Variants in ADAMTSL1 observed in about 807,000 individuals in gnomAD.
ADAMTSL1 encodes ADAMTS-like protein 1.
In ADAMTSL1, 126 loss-of-function variants were observed where a neutral mutation model predicts 201.8. That is an observed-to-expected ratio of 0.62 (90% CI 0.54 to 0.72). The LOEUF (loss-of-function observed/expected upper bound fraction) is 0.72, where lower values mean the gene tolerates loss of function less well. Among genes scored for constraint, ADAMTSL1 ranks in the 30% least tolerant of loss-of-function variants. ADAMTSL1 has a pLI of 0.00. For missense variants in ADAMTSL1, 2,679 were observed against 2,277.8 expected (o/e 1.18, Z -3.59); for synonymous variants, 1,121 against 903.4 (o/e 1.24, Z -4.32).
At chr9:18,742,543 G>A (rs1445896791) in intron 15 of ADAMTSL1, among the ~76,000 whole-genome samples, 3 of 152,158 alleles carry the variant, frequency 2.0e-5, no homozygotes, top group Non-Finnish European at 4.4e-5. Flanking sequence ...TCTCAAGGAC[G>A]GTACAGTTGA....
At chr9:18,097,533 GA>G (rs1224593747) in intron 1 of ADAMTSL1, among the ~76,000 whole-genome samples, 1 of 152,122 alleles carries the variant, frequency 6.6e-6, no homozygotes, top group Non-Finnish European at 1.5e-5. Context: ...TCTCCAACCA[GA>G]ATTGTATAAA....
intron 1 of ADAMTSL1, among the ~76,000 whole-genome samples, chr9:17,916,339 A>C (rs1826093371): frequency 6.6e-6 from 1 of 152,106 alleles, no homozygotes; most frequent in African/African-American, 2.4e-5. Flanking sequence ...GATGAAGTTG[A>C]ATTTATCAAA....
chr9:18,117,956 A>T (rs1489736497), intron 1 of ADAMTSL1, among the ~76,000 whole-genome samples: 1 of 152,196 alleles, frequency 6.6e-6, no homozygotes, highest in Admixed American at 6.5e-5. Flanking sequence ...TTAAAACTTT[A>T]ACCTCTTTAC....
rs768657042 is a variant in ADAMTSL1 at position 18,889,631 on chromosome 9, A to G, written c.4526A>G (p.Gln1509Arg). 3 of 1,613,540 alleles carry G rather than the reference A, an allele frequency of 1.9e-6. No homozygotes were observed. The Admixed American group carries it at 5.0e-5, about 27-fold the overall frequency. ...CSASCGNRGVQQPRLRCLLNS... is the reference protein window; with the variant it reads ...CSASCGNRGVRQPRLRCLLNS... ...GCCTCCTGTGGTAACCGGGGGGTTC[A>G]GCAGCCCCGCTTGAGGTGCCTGCTG... is the stretch of plus-strand genomic sequence containing the variant. Residue 1509 changes from glutamine to arginine, a missense_variant, in exon 25 of 29, where the codon CAG becomes CGG. By Grantham distance (43) the Gln-to-Arg change is conservative. Coordinates refer to ENST00000380548, the MANE Select transcript of ADAMTSL1 (RefSeq NM_001040272.6).
At chr9:18,398,400 C>T (rs1817834131) in intron 2 of ADAMTSL1, among the ~76,000 whole-genome samples, 1 of 152,226 alleles carries the variant, frequency 6.6e-6, no homozygotes, top group Non-Finnish European at 1.5e-5. Context: ...TTTTCTTCTA[C>T]TTTAGTCTAG....
chr9:18,288,444 A>G (rs1735409464), intron 2 of ADAMTSL1, among the ~76,000 whole-genome samples: 1 of 152,286 alleles, frequency 6.6e-6, no homozygotes, highest in South Asian at 2.1e-4. Flanking sequence ...TTAAAGGACT[A>G]TGTTACTTAG....
At chr9:18,562,182 G>A (rs1821551360) in intron 3 of ADAMTSL1, among the ~76,000 whole-genome samples, 1 of 152,140 alleles carries the variant, frequency 6.6e-6, no homozygotes, top group African/African-American at 2.4e-5. Context: ...TCCATGTTTA[G>A]CGCTTCCTTC....
At chr9:18,829,739 C>A in intron 22 of ADAMTSL1, 104 bp from the exon 23 acceptor site, 5 of 1,391,932 alleles carry the variant, frequency 3.6e-6, no homozygotes, top group Non-Finnish European at 5.0e-6. Context: ...GCCTATCTTA[C>A]ATATACGCAT....
intron 2 of ADAMTSL1, among the ~76,000 whole-genome samples, chr9:18,453,366 T>G (rs1432462289): frequency 6.6e-6 from 1 of 152,156 alleles, no homozygotes; most frequent in Non-Finnish European, 1.5e-5. Context: ...CATGAAGCTC[T>G]GAAATGCCTT....
Position 18,152,486 on chromosome 9 carries a change from G to A in ADAMTSL1, c.88-11376G>A, listed in dbSNP as rs562009621. Among the ~76,000 whole-genome samples, 309 of 152,140 alleles carry A rather than the reference G, an allele frequency of 2.0e-3. 2 individuals carry two copies. Among genetic ancestry groups the A allele is most frequent in the African/African-American group, 6.5e-3 (269 of 41,540 alleles). ...AGAGCTTAAAAGAATTGCAGGGCAA[G>A]AAACAATAGAAGAAAAGATGCCCAT... On this transcript the variant is annotated intron_variant, in intron 1 of 29. Coordinates refer to the ADAMTSL1 transcript ENST00000680146.
At chr9:18,838,360 T>TACACAC (rs775337751) in intron 23 of ADAMTSL1, among the ~76,000 whole-genome samples, 8,623 of 86,570 alleles carry the variant, frequency 0.1, 392 homozygotes, top group Middle Eastern at 0.14. Flanking sequence ...CAAACCATAT[T>TACACAC]ACACACACAC....
rs191333083 is a variant in ADAMTSL1, at chr9:18,381,774, G to A, written c.208-123055G>A. 1.3e-5 allele frequency among the ~76,000 whole-genome samples: 2 copies of A among 152,006 alleles called. 1 individual carries two copies. The highest frequency in any genetic ancestry group is 1.3e-4 in the Admixed American group (2 of 15,258). ...CTATGTATCACCGAGAACCCATTTG[G>A]AGCAGGAGAGGGGGGATTAGACTTT... On this transcript the variant is annotated intron_variant, in intron 2 of 29. Coordinates refer to the ADAMTSL1 transcript ENST00000680146.
intron 3 of ADAMTSL1, among the ~76,000 whole-genome samples, chr9:18,569,497 T>C (rs1177868997): frequency 6.6e-6 from 1 of 152,070 alleles, no homozygotes; most frequent in East Asian, 1.9e-4. Context: ...ACAGGTATAT[T>C]TAGAGTTTAT....
chr9:18,889,585 G>A lies in ADAMTSL1; in HGVS notation c.4480G>A (p.Asp1494Asn), dbSNP rs141581125. Residue 1494 changes from aspartate to asparagine, a missense_variant, in exon 25 of 29, where the codon GAC becomes AAC. By Grantham distance (23) the Asp-to-Asn change is conservative. Coordinates refer to ENST00000380548, the MANE Select transcript of ADAMTSL1 (RefSeq NM_001040272.6). The stretch of plus-strand genomic sequence containing the variant: ...CATGACAGATTACTGGTGGTCTGTG[G>A]ACAGACTGGCAACCTGCTCAGCCTC... ...LVIQDYWWSV[D>N]RLATCSASCG... is the part of the protein sequence containing the mutation. 347 of 1,613,784 alleles carry A rather than the reference G, an allele frequency of 2.2e-4. 1 individual carries two copies. In the East Asian group the frequency reaches 7.1e-3, roughly 33 times the overall value.
At chr9:18,031,666 G>T (rs1340608114) in intron 1 of ADAMTSL1, among the ~76,000 whole-genome samples, 1 of 152,204 alleles carries the variant, frequency 6.6e-6, no homozygotes, top group Non-Finnish European at 1.5e-5. Context: ...GTCCATTCCA[G>T]GGCTTTGGTG....
chr9:18,802,236 A>T (rs1196865992), intron 20 of ADAMTSL1, among the ~76,000 whole-genome samples: 3 of 152,136 alleles, frequency 2.0e-5, no homozygotes, highest in African/African-American at 7.2e-5. Flanking sequence ...ATACCACTGC[A>T]CTCCAGCCTG....
intron 2 of ADAMTSL1, among the ~76,000 whole-genome samples, chr9:18,331,982 G>A (rs1273786179): frequency 6.6e-6 from 1 of 152,116 alleles, no homozygotes; most frequent in Non-Finnish European, 1.5e-5. Flanking sequence ...TAAGGCATTG[G>A]CAAGTAGCCC....
At chr9:18,333,710 G>T (rs1835121812) in intron 2 of ADAMTSL1, among the ~76,000 whole-genome samples, 1 of 152,118 alleles carries the variant, frequency 6.6e-6, no homozygotes, top group African/African-American at 2.4e-5. Context: ...TCCATTATAT[G>T]TAGCTTCCAT....
At chr9:18,263,915 C>T (rs1035995879) in intron 2 of ADAMTSL1, among the ~76,000 whole-genome samples, 1 of 151,786 alleles carries the variant, frequency 6.6e-6, no homozygotes, top group African/African-American at 2.4e-5. Context: ...AGAACTGTGA[C>T]AAAAAAAATG....
Sources: allele counts gnomAD v4.1 joint callset (sites outside exome capture counted in the v4.1 genomes callset), GRCh38; gene constraint gnomAD v4.1.1; transcripts MANE v1.5; gene names NCBI Gene and HGNC (gene_info 2026-07-23, HGNC 2026-07-21).